Variants in COL28A1 observed in about 807,000 individuals in gnomAD.
COL28A1 encodes collagen type XXVIII alpha 1 chain, also known as collagen alpha-1(XXVIII) chain.
COL28A1 carries 161 observed loss-of-function variants against 150.2 expected under a neutral mutation model. The observed-to-expected ratio is 1.07, with a 90% CI of 0.94 to 1.22. The LOEUF is 1.22. Among genes scored for constraint, COL28A1 ranks in the 50% most tolerant of loss-of-function variants. COL28A1 has a pLI of 0.00. For missense variants in COL28A1, 1,617 were observed against 1,388.3 expected, an observed-to-expected ratio of 1.16 and a Z score of -2.62; for synonymous variants, 552 against 469.7, an observed-to-expected ratio of 1.18 and a Z score of -2.26.
At chr7:7,415,817 T>G (rs1784045990) in intron 27 of COL28A1, among the ~76,000 whole-genome samples, 1 of 152,004 alleles carries the variant, frequency 6.6e-6, no homozygotes, top group Non-Finnish European at 1.5e-5. Flanking sequence ...TTTCTTTTTT[T>G]GGGAAGACAA....
intron 30 of COL28A1, among the ~76,000 whole-genome samples, 154 bp from the exon 31 acceptor site, chr7:7,375,651 G>A (rs1272476298): frequency 1.3e-5 from 2 of 152,180 alleles, no homozygotes; most frequent in Non-Finnish European, 2.9e-5. Context: ...GTCAAAAGCT[G>A]ACTATAATAG....
rs1184258370 is a variant in COL28A1 at position 7,508,900 on chromosome 7, C to A, written c.928-1739G>T. 2.6e-5 allele frequency among the ~76,000 whole-genome samples: 4 copies of A among 152,166 alleles called. No individual in the cohort carries two copies. In the East Asian group the frequency reaches 7.7e-4, roughly 29 times the overall value. ...CCAGGCTGGAGTGCAATGGCACAAT[C>A]TCGGTCCACTGCAACCTCTGCCTCC... is the stretch of plus-strand genomic sequence containing the variant. On this transcript the variant is annotated intron_variant, in intron 9 of 34. Coordinates refer to ENST00000399429, the MANE Select transcript of COL28A1 (RefSeq NM_001037763.3).
At chr7:7,520,813 T>A (rs1781681659) in intron 5 of COL28A1, among the ~76,000 whole-genome samples, 1 of 152,298 alleles carries the variant, frequency 6.6e-6, no homozygotes, top group Admixed American at 6.5e-5. Flanking sequence ...TAAAGAAATA[T>A]TTCTTACCCT....
In COL28A1 at chr7:7,362,306, A is replaced by G. The variant is rs191614352; in HGVS notation, c.3067-1778T>C. On this transcript the variant is annotated intron_variant, in intron 33 of 34. Transcript: ENST00000399429. ...CTGTATGCAATTGAATCAGTCATTC[A>G]CCTGAGTCCTGACACTTGGTTATTT... Among the ~76,000 whole-genome samples, 582 of 152,180 alleles carry G rather than the reference A, an allele frequency of 3.8e-3. 3 individuals carry two copies. Among genetic ancestry groups the G allele is most frequent in the African/African-American group, 0.013 (559 of 41,522 alleles).
At chr7:7,379,290 T>A (rs753377756) in intron 30 of COL28A1, among the ~76,000 whole-genome samples, 6 of 152,180 alleles carry the variant, frequency 3.9e-5, no homozygotes, top group Non-Finnish European at 4.4e-5. Context: ...AAATTCTCTT[T>A]TCCTTCACTC....
chr7:7,436,817 G>C (rs1785378992), intron 22 of COL28A1, among the ~76,000 whole-genome samples: 1 of 152,168 alleles, frequency 6.6e-6, no homozygotes, highest in African/African-American at 2.4e-5. Context: ...AGGCAGGCGG[G>C]TCACTTGAAT....
intron 3 of COL28A1, among the ~76,000 whole-genome samples, chr7:7,528,114 T>C (rs1265162459): frequency 2.0e-5 from 3 of 152,212 alleles, no homozygotes; most frequent in Admixed American, 2.0e-4. Flanking sequence ...GGGAATACCT[T>C]AAATTTATGT....
upstream of COL28A1, among the ~76,000 whole-genome samples, chr7:7,540,676 A>G (rs1782768307): frequency 6.6e-6 from 1 of 152,234 alleles, no homozygotes. Context: ...TGTATGGCTA[A>G]TAATTTATAT....
Position 7,375,459 on chromosome 7 carries a change from AC to A in COL28A1, c.2359+1del, listed in dbSNP as rs758705327. 1 of 1,576,512 alleles carries A rather than the reference AC, an allele frequency of 6.3e-7. No individual in the cohort carries two copies. Among genetic ancestry groups the A allele is most frequent in the East Asian group, 2.3e-5 (1 of 44,182 alleles). ...GATGTTTTTTCCTTGATCAAATCTT[AC>A]CACATATTTCTGTAATAAGTTTGAT... On this transcript the variant is annotated splice_donor_variant, in intron 31 of 34. Coordinates refer to ENST00000399429, the MANE Select transcript of COL28A1 (RefSeq NM_001037763.3). LOFTEE classifies it high-confidence loss of function.
rs201746692 is a variant in COL28A1, at chr7:7,370,769, G to C, written c.3022C>G (p.Leu1008Val). The C allele has an allele frequency of 3.7e-5, 59 of 1,613,698 alleles. No homozygotes were observed. The highest frequency in any genetic ancestry group is 4.7e-5 in the Non-Finnish European group (56 of 1,179,856). Residue 1008 changes from leucine to valine, a missense_variant, in exon 33 of 35, where the codon CTC becomes GTC. Coordinates refer to ENST00000399429, the MANE Select transcript of COL28A1 (RefSeq NM_001037763.3). ...TGAGGCTCTGGAGTAGATTCACTGAGTTCTTCCCCTGACATCCCAAATCCA... is the reference window on the plus strand; with the variant it reads ...TGAGGCTCTGGAGTAGATTCACTGACTTCTTCCCCTGACATCCCAAATCCA... ...QPGFGMSGEELSESTPEPQKE... is the reference protein window; with the variant it reads ...QPGFGMSGEEVSESTPEPQKE...
chr7:7,504,521 G>A (rs1399898537), intron 11 of COL28A1, among the ~76,000 whole-genome samples: 1 of 152,184 alleles, frequency 6.6e-6, no homozygotes, highest in African/African-American at 2.4e-5. Context: ...GAGAGAAGAA[G>A]AAGAAGAAAA....
Position 7,521,947 on chromosome 7 carries a change from A to T in COL28A1, c.717T>A (p.Ile239=), listed in dbSNP as rs762422865. Residue 239 remains isoleucine (I), a synonymous_variant, in exon 5 of 35, where the codon ATT becomes ATA. Coordinates refer to ENST00000399429, the MANE Select transcript of COL28A1 (RefSeq NM_001037763.3). ...CTGGATCTCCCTTCTCACATTCACA[A>T]ATCTTGCGTTCACACTGAATCAATA... is the stretch of plus-strand genomic sequence containing the variant. ...ILFEKKCERK[I]CECEKGDPGD... 1.8e-6 allele frequency: 2 copies of T among 1,124,268 alleles called. No individual in the cohort carries two copies. The highest frequency in any genetic ancestry group is 2.7e-6 in the Non-Finnish European group (2 of 732,184). 69.6% of individuals were successfully genotyped at this position (1,124,268 alleles called of 1,614,324 possible).
intron 33 of COL28A1, among the ~76,000 whole-genome samples, chr7:7,365,000 G>A (rs752051376): frequency 1.5e-4 from 23 of 152,046 alleles, no homozygotes; most frequent in Admixed American, 6.5e-5. Context: ...AGACTTTAAC[G>A]TCATCATTTT....
intron 15 of COL28A1, among the ~76,000 whole-genome samples, chr7:7,461,189 AG>A (rs1446680945): frequency 6.6e-6 from 1 of 152,154 alleles, no homozygotes; most frequent in African/African-American, 2.4e-5. Context: ...CAATTTAGAG[AG>A]CCAAGCGAAA....
chr7:7,543,577 T>G, the COL28A1 span, among the ~76,000 whole-genome samples: 1 of 152,186 alleles, frequency 6.6e-6, no homozygotes, highest in South Asian at 2.1e-4. Context: ...GTGACATCAC[T>G]GAACACAGGG....
At chr7:7,439,433 G>A (rs1310361511) in intron 21 of COL28A1, among the ~76,000 whole-genome samples, 1 of 151,828 alleles carries the variant, frequency 6.6e-6, no homozygotes. Flanking sequence ...TAAAACCAAA[G>A]GAAAATCAAA....
At chr7:7,378,365 C>G (rs1781682393) in intron 30 of COL28A1, among the ~76,000 whole-genome samples, 1 of 152,050 alleles carries the variant, frequency 6.6e-6, no homozygotes. Context: ...CTATATGTCC[C>G]CCTGCCTTTA....
chr7:7,364,129 C>G (rs1780811814), intron 33 of COL28A1, among the ~76,000 whole-genome samples: 1 of 152,218 alleles, frequency 6.6e-6, no homozygotes, highest in Non-Finnish European at 1.5e-5. Context: ...TGATTCTCCC[C>G]TTCTAGATGA....
chr7:7,389,846 G>C lies in COL28A1; in HGVS notation c.2137-8234C>G, dbSNP rs189674174. On this transcript the variant is annotated intron_variant, in intron 27 of 34. Coordinates refer to ENST00000399429, the MANE Select transcript of COL28A1 (RefSeq NM_001037763.3). Reference sequence around the variant, plus strand: ...CTTGTGATTTTTGCACATTGATTTCGTATCCTGAGACTTTGCTGAAGTTGC... The same window carrying C: ...CTTGTGATTTTTGCACATTGATTTCCTATCCTGAGACTTTGCTGAAGTTGC... Among the ~76,000 whole-genome samples the C allele has an allele frequency of 1.4e-4, 22 of 152,310 alleles. No individual in the cohort carries two copies. The East Asian group carries it at 3.7e-3, about 25-fold the overall frequency.
Sources: allele counts gnomAD v4.1 joint callset (sites outside exome capture counted in the v4.1 genomes callset), GRCh38; gene constraint gnomAD v4.1.1; transcripts MANE v1.5; gene names NCBI Gene and HGNC (gene_info 2026-07-23, HGNC 2026-07-21).